Variants in ZNF160 observed in about 807,000 individuals in gnomAD.
ZNF160 encodes the protein zinc finger protein 160.
In ZNF160, 9 loss-of-function variants were observed where a neutral mutation model predicts 13.1. The ratio of observed to expected loss-of-function variants is 0.69; its 90% CI spans 0.41 to 1.20. The LOEUF (loss-of-function observed/expected upper bound fraction) is 1.20, where lower values mean the gene tolerates loss of function less well. Ranked by LOEUF, ZNF160 falls within the 50% of genes most tolerant of loss-of-function variation. ZNF160 has a pLI of 0.01. For missense variants in ZNF160, 838 were observed against 988.0 expected, an observed-to-expected ratio of 0.85 and a Z score of 2.04; for synonymous variants, 293 against 333.2, an observed-to-expected ratio of 0.88 and a Z score of 1.31.
chr19:53,086,286 C>CT lies in ZNF160; in HGVS notation c.-11dup. 1 of 1,586,358 alleles carries CT rather than the reference C, an allele frequency of 6.3e-7. No homozygotes were observed. The highest frequency in any genetic ancestry group is 1.1e-5 in the South Asian group (1 of 87,656). On this transcript the variant is annotated 5_prime_UTR_variant, in exon 3 of 6. Transcript: ENST00000683776. ...CCTGAGTAAGGGCCATCCCTGACTC[C>CT]TTTTCTTTCCTCTTCCTCTTCTTCC...
intron 4 of ZNF160, 129 bp downstream of exon 4, chr19:53,074,928 C>A: frequency 8.0e-7 from 1 of 1,256,290 alleles, no homozygotes. Flanking sequence ...CATGATTAAG[C>A]TTTCCATTTC....
rs1374211248 is a variant in ZNF160, at chr19:53,068,635, A to G, written c.1899T>C (p.Asn633=). 2 of 1,612,848 alleles carry G rather than the reference A, an allele frequency of 1.2e-6. No homozygotes were observed. The change falls in exon 6 of 6, where the codon AAT becomes AAC. Residue 633 remains asparagine (N), a synonymous_variant. Coordinates refer to ENST00000683776, the MANE Select transcript of ZNF160 (RefSeq NM_001322131.2). The part of the protein sequence containing the change: ...CHECGKVFRH[N]SYLATHRRIH... ...TTCGCCGATGAGTTGCAAGGTATGA[A>G]TTGTGCCTAAAAACCTTGCCGCATT...
chr19:53,078,236 CAG>C (rs536046012), intron 3 of ZNF160, among the ~76,000 whole-genome samples: 27 of 149,924 alleles, frequency 1.8e-4, no homozygotes, highest in African/African-American at 6.4e-4. Context: ...GTTGCCACCT[CAG>C]GGGAAAAAAA....
chr19:53,070,369 C>T (rs948645858), intron 5 of ZNF160, 107 bp from the exon 6 acceptor site: 7 of 1,148,436 alleles, frequency 6.1e-6, no homozygotes, highest in Non-Finnish European at 7.0e-6. Context: ...ATTGAACAGA[C>T]TTTGGAACTT....
At chr19:53,077,001 T>G (rs1160693519) in intron 3 of ZNF160, 1 of 152,192 alleles carries the variant, frequency 6.6e-6, no homozygotes, top group Non-Finnish European at 1.5e-5. Context: ...GTTTCTGTCT[T>G]GCCTGAATAT....
At chr19:53,075,464 A>T (rs1017444639) in intron 3 of ZNF160, 1 of 382,210 alleles carries the variant, frequency 2.6e-6, no homozygotes, top group African/African-American at 2.1e-5. Flanking sequence ...CGGTCACCGG[A>T]ACTAAGGCTC....
intron 2 of ZNF160, among the ~76,000 whole-genome samples, chr19:53,087,967 C>T (rs899337120): frequency 6.6e-6 from 1 of 152,108 alleles, no homozygotes; most frequent in South Asian, 2.1e-4. Flanking sequence ...CTGCAGGGTA[C>T]ATGGGGCTGA....
chr19:53,082,505 A>G (rs1244154504), intron 3 of ZNF160, among the ~76,000 whole-genome samples: 1 of 152,014 alleles, frequency 6.6e-6, no homozygotes, highest in Non-Finnish European at 1.5e-5. Flanking sequence ...ATGAAACCTC[A>G]TCTCTACAAA....
chr19:53,088,386 G>C (rs971282355), intron 2 of ZNF160, among the ~76,000 whole-genome samples: 1 of 152,228 alleles, frequency 6.6e-6, no homozygotes, highest in African/African-American at 2.4e-5. Flanking sequence ...AATAATTGAA[G>C]ACAAAGTGGC....
At chr19:53,071,843 T>C (rs1310629440) in intron 5 of ZNF160, among the ~76,000 whole-genome samples, 1 of 152,044 alleles carries the variant, frequency 6.6e-6, no homozygotes, top group East Asian at 1.9e-4. Flanking sequence ...TTATACACAT[T>C]TAAAGCATAT....
chr19:53,076,335 T>C (rs1340409542), intron 3 of ZNF160, among the ~76,000 whole-genome samples: 1 of 152,160 alleles, frequency 6.6e-6, no homozygotes, highest in Non-Finnish European at 1.5e-5. Context: ...TAAGCACAAC[T>C]GGTATCTTAA....
chr19:53,072,063 C>T (rs1033931385), intron 5 of ZNF160, among the ~76,000 whole-genome samples: 54 of 151,692 alleles, frequency 3.6e-4, no homozygotes, highest in African/African-American at 1.9e-4. Flanking sequence ...GATAATTTTG[C>T]AGCATTAGTA....
chr19:53,070,389 G>T, intron 5 of ZNF160, 127 bp from the exon 6 acceptor site: 1 of 968,816 alleles, frequency 1.0e-6, no homozygotes. Flanking sequence ...TCAGAACTGT[G>T]AATTTCAATT....
intron 3 of ZNF160, among the ~76,000 whole-genome samples, chr19:53,077,580 A>G (rs2084442280): frequency 6.6e-6 from 1 of 151,130 alleles, no homozygotes; most frequent in South Asian, 2.1e-4. Flanking sequence ...TGAGACAGAG[A>G]ATCGCTTGAA....
At chr19:53,071,057 G>A (rs994084764) in intron 5 of ZNF160, among the ~76,000 whole-genome samples, 8 of 152,106 alleles carry the variant, frequency 5.3e-5, no homozygotes, top group East Asian at 2.0e-4. Context: ...TTAGTCAGGC[G>A]TGGTGGCATG....
chr19:53,095,933 T>A (rs1024640682), intron 1 of ZNF160, among the ~76,000 whole-genome samples: 2 of 152,108 alleles, frequency 1.3e-5, no homozygotes, highest in Non-Finnish European at 2.9e-5. Context: ...GGAAATGATA[T>A]ATGGTCAGGT....
At position 53,086,870 on chromosome 19, in the gene ZNF160, G is replaced by A. The variant is rs1393222756; in HGVS notation, c.-45-549C>T. 3.3e-5 allele frequency among the ~76,000 whole-genome samples: 5 copies of A among 152,204 alleles called. No homozygotes were observed. In the East Asian group the frequency reaches 7.7e-4, roughly 23 times the overall value. On this transcript the variant is annotated intron_variant, in intron 2 of 5. Coordinates refer to ENST00000683776, the MANE Select transcript of ZNF160 (RefSeq NM_001322131.2). ...AAGCCAGGGTTGAGCTCCACTGAGGGGGTGAGCCCAGCACAGCCCCACCTT... is the reference window on the plus strand; with the variant it reads ...AAGCCAGGGTTGAGCTCCACTGAGGAGGTGAGCCCAGCACAGCCCCACCTT...
At chr19:53,073,484 C>G in intron 5 of ZNF160, 2 of 1,598,016 alleles carry the variant, frequency 1.3e-6, no homozygotes, top group Non-Finnish European at 1.7e-6. Context: ...GGAGCAGCAG[C>G]CAATGTTTCC....
At chr19:53,072,850 TAA>T in intron 5 of ZNF160, 2 of 670,468 alleles carry the variant, frequency 3.0e-6, no homozygotes, top group Non-Finnish European at 3.7e-6. Context: ...AAACTTCATT[TAA>T]AAAAAAAATT....
Sources: gnomAD v4.1 joint callset for allele counts (sites outside exome capture counted in the v4.1 genomes callset) on GRCh38, gnomAD v4.1.1 for gene constraint, MANE v1.5 for transcripts, NCBI Gene and HGNC (gene_info 2026-07-23, HGNC 2026-07-21) for gene names.